DNAH6: variants seen among roughly 807,000 people sequenced by gnomAD.
DNAH6 encodes axonemal beta dynein heavy chain 6.
Under a neutral mutation model 491.4 loss-of-function variants are expected in DNAH6, and 340 were observed. That is an observed-to-expected ratio of 0.69 (90% confidence interval 0.63 to 0.76). The LOEUF (loss-of-function observed/expected upper bound fraction) is 0.76, where lower values mean the gene tolerates loss of function less well. Among genes scored for constraint, DNAH6 ranks in the 30% least tolerant of loss-of-function variants. The probability of loss-of-function intolerance (pLI) is 0.00; values close to 1 mark genes in which losing one functional copy is unlikely to be tolerated. For missense variants in DNAH6, 4,443 were observed against 4,972.2 expected (o/e 0.89, Z 3.20); for synonymous variants, 1,603 against 1,686.1 (o/e 0.95, Z 1.21).
At chr2:84,659,923 A>C (rs921199567) in intron 37 of DNAH6, among the ~76,000 whole-genome samples, 4 of 152,176 alleles carry the variant, frequency 2.6e-5, no homozygotes, top group Non-Finnish European at 4.4e-5. Flanking sequence ...TTCAGGCTGC[A>C]CTGAGCTATG....
chr2:84,461,670 G>A, the DNAH6 span, among the ~76,000 whole-genome samples: 1 of 152,152 alleles, frequency 6.6e-6, no homozygotes, highest in East Asian at 1.9e-4. Flanking sequence ...CCAAATAGTC[G>A]ATAATGGTAG....
intron 18 of DNAH6, among the ~76,000 whole-genome samples, chr2:84,599,963 ATAGC>A (rs1685058920): frequency 6.6e-6 from 1 of 152,174 alleles, no homozygotes. Flanking sequence ...GGTTTGTTTT[ATAGC>A]CCAGAATATG....
intron 64 of DNAH6, among the ~76,000 whole-genome samples, chr2:84,773,017 G>A (rs1490610512): frequency 6.6e-6 from 1 of 151,880 alleles, no homozygotes; most frequent in Non-Finnish European, 1.5e-5. Flanking sequence ...ACAAATATAT[G>A]GAAATAAAAT....
chr2:84,511,917 T>C (rs566714810), upstream of DNAH6, among the ~76,000 whole-genome samples: 1 of 152,304 alleles, frequency 6.6e-6, no homozygotes, highest in South Asian at 2.1e-4. Flanking sequence ...TGGATTCAGT[T>C]TGCTAGTATT....
chr2:84,477,782 G>T, the DNAH6 span, among the ~76,000 whole-genome samples: 1 of 152,290 alleles, frequency 6.6e-6, no homozygotes, highest in Non-Finnish European at 1.5e-5. Flanking sequence ...AGGTAATATG[G>T]GAAGGAAAAG....
chr2:84,615,978 A>T (rs750929043), intron 22 of DNAH6, among the ~76,000 whole-genome samples: 2 of 151,766 alleles, frequency 1.3e-5, no homozygotes, highest in African/African-American at 4.8e-5. Context: ...TTTAATTTCT[A>T]TGTATTTGTA....
At chr2:84,717,571 G>C (rs1305984797) in intron 58 of DNAH6, among the ~76,000 whole-genome samples, 2 of 152,128 alleles carry the variant, frequency 1.3e-5, no homozygotes, top group East Asian at 3.9e-4. Flanking sequence ...CACCTTATGG[G>C]GGGGGCATTC....
chr2:84,501,208 C>T, the DNAH6 span, among the ~76,000 whole-genome samples: 2 of 152,212 alleles, frequency 1.3e-5, no homozygotes, highest in South Asian at 2.1e-4. Context: ...ATTCTATCCC[C>T]AGTTTTTTGA....
rs1423695668 is a variant in DNAH6, at chr2:84,745,249, G to A, written c.10512G>A (p.Lys3504=). Residue 3504 remains lysine, a splice_region_variant and synonymous_variant, in exon 63 of 77, where the codon AAG becomes AAA. Transcript: ENST00000389394. ...TTATTAAATGTTGTAAAGAAGAAAA[G>A]GTAGGGCATTTTTTTAATTAAAGGA... ...LILIKCCKEE[K]VVFALTDFVI... is the part of the protein sequence containing the mutation. The A allele has an allele frequency of 1.4e-6, 2 of 1,476,990 alleles. No homozygotes were observed. The highest frequency in any genetic ancestry group is 1.4e-5 in the African/African-American group (1 of 69,732). The allele number at this position is 1,476,990 out of a possible 1,614,324, so 91.5% of individuals were successfully genotyped here. A position where few individuals can be genotyped will look rare whatever the true frequency, so the allele number is the denominator to read the frequency against.
chr2:84,659,735 C>A (rs1573389463), intron 37 of DNAH6, among the ~76,000 whole-genome samples: 1 of 152,106 alleles, frequency 6.6e-6, no homozygotes, highest in African/African-American at 2.4e-5. Flanking sequence ...GTAATCCCAG[C>A]ATTTTGGGAG....
chr2:84,736,504 T>C (rs900629994), intron 62 of DNAH6, among the ~76,000 whole-genome samples: 4 of 152,158 alleles, frequency 2.6e-5, no homozygotes, highest in African/African-American at 9.6e-5. Context: ...TTTGTTTGTT[T>C]CATCCTTTCT....
intron 64 of DNAH6, among the ~76,000 whole-genome samples, chr2:84,768,643 A>G (rs1462733970): frequency 1.3e-5 from 2 of 152,224 alleles, no homozygotes; most frequent in East Asian, 3.8e-4. Context: ...GCAAGATCTC[A>G]CCACAGAAAA....
At chr2:84,774,951 A>G (rs1322464918) in intron 64 of DNAH6, among the ~76,000 whole-genome samples, 6 of 152,128 alleles carry the variant, frequency 3.9e-5, no homozygotes, top group Non-Finnish European at 7.4e-5. Context: ...TGGTTGGAGA[A>G]GAAAGATTGT....
Position 84,640,410 on chromosome 2 carries a change from CATT to C in DNAH6, c.4822-16_4822-14del. 1 of 1,378,892 alleles carries C rather than the reference CATT, an allele frequency of 7.3e-7. No individual in the cohort carries two copies. Among genetic ancestry groups the C allele is most frequent in the South Asian group, 1.3e-5 (1 of 78,672 alleles). 85.4% of individuals were successfully genotyped at this position (1,378,892 alleles called of 1,614,324 possible). On this transcript the variant is annotated splice_polypyrimidine_tract_variant and intron_variant, in intron 31 of 76. Transcript: ENST00000389394. The stretch of plus-strand genomic sequence containing the variant: ...TATCAATACAATATAATAAGCATTG[CATT>C]ATTTTTTCTATTCTAGGTAATTCTA...
Position 84,548,403 on chromosome 2 carries a change from C to T in DNAH6, c.1302C>T (p.Cys434=). 1 of 1,613,880 alleles carries T rather than the reference C, an allele frequency of 6.2e-7. No homozygotes were observed. The highest frequency in any genetic ancestry group is 8.5e-7 in the Non-Finnish European group (1 of 1,179,912). ...AACAGGCCAGCAAAAGGCATTATTG[C>T]ATGAGGCTGACGTGGTAAGATTATT... ...YTEQASKRHY[C]MRLTCFIRLN... The change falls in exon 8 of 77, where the codon TGC becomes TGT. Residue 434 remains cysteine, a synonymous_variant. Transcript: ENST00000389394.
chr2:84,688,593 G>A lies in DNAH6; in HGVS notation c.7292G>A (p.Arg2431Lys). 1 of 1,531,458 alleles carries A rather than the reference G, an allele frequency of 6.5e-7. No homozygotes were observed. The highest frequency in any genetic ancestry group is 8.8e-7 in the Non-Finnish European group (1 of 1,142,118). 94.9% of individuals were successfully genotyped at this position (1,531,458 alleles called of 1,614,324 possible). The change falls in exon 45 of 77, where the codon AGG (arginine) becomes AAG (lysine). Residue 2431 changes from arginine (R) to lysine (K), a missense_variant and splice_region_variant. By Grantham distance (26) the Arg-to-Lys change is conservative. Around this residue, in one of 3 missense-constraint regions of DNAH6, gnomAD observed 2,977 missense variants for 3,296.6 expected, o/e 0.90. Transcript: ENST00000389394. ...CAGGATGCTATAGAACATGTTTCAAGGTATAGTGCTATAAGGCGCCCAATA... is the reference window on the plus strand; with the variant it reads ...CAGGATGCTATAGAACATGTTTCAAAGTATAGTGCTATAAGGCGCCCAATA... The part of the protein sequence containing the change: ...FFQDAIEHVS[R>K]IARMIRQERG...
At chr2:84,710,519 A>G (rs2104871956) in intron 56 of DNAH6, 107 bp downstream of exon 56, 2 of 1,145,328 alleles carry the variant, frequency 1.7e-6, no homozygotes, top group Non-Finnish European at 2.5e-6. Flanking sequence ...AGTCAACTCC[A>G]TTTTCAAATT....
In DNAH6 at chr2:84,819,574, T is replaced by C; in HGVS notation, c.*166T>C. 2 of 490,280 alleles carry C rather than the reference T, an allele frequency of 4.1e-6. No homozygotes were observed. The highest frequency in any genetic ancestry group is 6.2e-5 in the South Asian group (2 of 32,486). The allele number at this position is 490,280 out of a possible 1,614,324, so 30.4% of individuals were successfully genotyped here. The stretch of plus-strand genomic sequence containing the variant: ...ATGACCTTAAAATAAAGTGTTTGAG[T>C]TCTTTCTGTTGGCAATCCAAGCTCT... On this transcript the variant is annotated 3_prime_UTR_variant, in exon 77 of 77. Transcript: ENST00000389394.
At chr2:84,650,306 C>A (rs1170720809) in intron 33 of DNAH6, among the ~76,000 whole-genome samples, 2 of 152,168 alleles carry the variant, frequency 1.3e-5, no homozygotes, top group Admixed American at 6.6e-5. Flanking sequence ...TATATTTCCA[C>A]AGGTCCCCAA....
Sources: allele counts gnomAD v4.1 joint callset (sites outside exome capture counted in the v4.1 genomes callset), GRCh38; gene constraint gnomAD v4.1.1; regional missense constraint gnomAD v4.1.1; transcripts MANE v1.5; gene names NCBI Gene and HGNC (gene_info 2026-07-23, HGNC 2026-07-21).